Variants in GDF1 observed in about 807,000 individuals in gnomAD.
GDF1 encodes the protein embryonic growth/differentiation factor 1.
GDF1 carries 8 observed loss-of-function variants against 7.4 expected under a neutral mutation model. The ratio of observed to expected loss-of-function variants is 1.09; its 90% CI spans 0.64 to 1.96. The LOEUF (loss-of-function observed/expected upper bound fraction) is 1.96. GDF1 is among the 30% of genes most tolerant of loss of function. The probability of loss-of-function intolerance (pLI) is 0.00; values close to 1 mark genes in which losing one functional copy is unlikely to be tolerated. For missense variants in GDF1, 574 were observed against 551.5 expected, an observed-to-expected ratio of 1.04 and a Z score of -0.41; for synonymous variants, 311 against 276.7, an observed-to-expected ratio of 1.12 and a Z score of -1.23.
At position 18,879,050 on chromosome 19, in the gene GDF1, G is replaced by A. The variant is rs2075762; in HGVS notation, c.-422-11C>T. On this transcript the variant is annotated splice_polypyrimidine_tract_variant and intron_variant, in intron 5 of 7. Coordinates refer to ENST00000247005, the MANE Select transcript of GDF1 (RefSeq NM_001492.6). The stretch of plus-strand genomic sequence containing the variant: ...AAACGCCACGATGTACTGCGAGAGG[G>A]GAGGGGAGGTGCCAGTGAGAAGAAA... 0.13 allele frequency: 213,460 copies of A among 1,612,294 alleles called. 16,649 individuals carry two copies. Among genetic ancestry groups the A allele is most frequent in the East Asian group, 0.35 (15,632 of 44,832 alleles).
At chr19:18,885,986 C>A (rs1352365561) in intron 2 of GDF1, among the ~76,000 whole-genome samples, 1 of 152,206 alleles carries the variant, frequency 6.6e-6, no homozygotes, top group Non-Finnish European at 1.5e-5. Context: ...ACCTTCCCCT[C>A]CTCCTGCCTC....
In GDF1 at chr19:18,884,709, C is replaced by CTTTTTT. The variant is rs36074874; in HGVS notation, c.-913-448_-913-443dup. 3.2e-3 allele frequency among the ~76,000 whole-genome samples: 220 copies of CTTTTTT among 69,126 alleles called. 25 individuals carry two copies. The highest frequency in any genetic ancestry group is 0.011 in the African/African-American group (177 of 16,342). 45.3% of individuals were successfully genotyped at this position (69,126 alleles called of 152,430 possible). A position where few individuals can be genotyped will look rare whatever the true frequency, so the allele number is the denominator to read the frequency against. On this transcript the variant is annotated intron_variant, in intron 2 of 7. Coordinates refer to ENST00000247005, the MANE Select transcript of GDF1 (RefSeq NM_001492.6). ...GGCGTGAGCCACCCCGCCCAGCCGT[C>CTTTTTT]TTTTTTTTTTTTTTTTTTTTTTTGA...
Position 18,869,069 on chromosome 19 carries a change from GC to G in GDF1, c.646del (p.Ala216ArgfsTer23). Reference protein sequence around the residue: ...NASWPRSLRLALALRPRAPAA... With the variant: ...NASWPRSLRLXLALRPRAPAA... ...AGGGGCCCGGGGGCGTAGCGCCAGC[GC>G]CAGGCGGAGGCTGCGCGGCCATGAG... On this transcript the variant is annotated frameshift_variant, in exon 8 of 8. Coordinates refer to ENST00000247005, the MANE Select transcript of GDF1 (RefSeq NM_001492.6). LOFTEE classifies it low-confidence loss of function (END_TRUNC). The G allele has an allele frequency of 9.4e-7, 1 of 1,059,094 alleles. No individual in the cohort carries two copies. The highest frequency in any genetic ancestry group is 1.1e-6 in the Non-Finnish European group (1 of 878,306). 65.6% of individuals were successfully genotyped at this position (1,059,094 alleles called of 1,614,324 possible).
intron 2 of GDF1, 36 bp from the exon 3 acceptor site, chr19:18,884,303 G>T: frequency 6.4e-7 from 1 of 1,572,882 alleles, no homozygotes. Flanking sequence ...AGGGCCCTGC[G>T]AAGCCTCTAG....
At chr19:18,893,220 T>C (rs1215592284) in intron 2 of GDF1, among the ~76,000 whole-genome samples, 196 bp downstream of exon 2, 1 of 151,396 alleles carries the variant, frequency 6.6e-6, no homozygotes, top group African/African-American at 2.4e-5. Flanking sequence ...GCCCTCTTTT[T>C]CTTTTTTGAT....
intron 6 of GDF1, among the ~76,000 whole-genome samples, chr19:18,876,536 T>TGTGTGTGTGTGTGTGTGTG (rs1555703706): frequency 2.8e-5 from 4 of 143,184 alleles, no homozygotes; most frequent in African/African-American, 1.0e-4. Context: ...TTTGATTGGG[T>TGTGTGTGTGTGTGTGTGTG]TGTGTGTGTG....
intron 3 of GDF1, chr19:18,883,310 T>C (rs1033680152): frequency 6.6e-6 from 1 of 152,200 alleles, no homozygotes; most frequent in Admixed American, 6.5e-5. Context: ...ACAGGTAATA[T>C]TAATTTTAAT....
In GDF1 at chr19:18,875,064, G is replaced by A. The variant is rs76969770; in HGVS notation, c.-313+3866C>T. The stretch of plus-strand genomic sequence containing the variant: ...AAACTGGGTAATATAGTGAGATCTC[G>A]TCTCTACAAAAACACTTTAAAATTA... On this transcript the variant is annotated intron_variant, in intron 6 of 7. Transcript: ENST00000247005. Among the ~76,000 whole-genome samples the A allele has an allele frequency of 5.0e-3, 756 of 151,754 alleles. 35 individuals are homozygous for A. In the East Asian group the frequency reaches 0.13, roughly 26 times the overall value.
intron 6 of GDF1, among the ~76,000 whole-genome samples, chr19:18,872,595 A>G (rs1035567033): frequency 3.3e-5 from 5 of 150,320 alleles, no homozygotes; most frequent in Admixed American, 1.3e-4. Context: ...GGCTCACTGC[A>G]ACCTCTGCAT....
At position 18,878,409 on chromosome 19, in the gene GDF1, C is replaced by G; in HGVS notation, c.-313+521G>C. ...GACTCCCACCTGGGCTGGACTGAGT[C>G]TGAGCTCCCAGCCCCAGCTCCTGTT... On this transcript the variant is annotated intron_variant, in intron 6 of 7. Transcript: ENST00000247005. The surrounding 1 kb of genome is among the most constrained non-coding windows in gnomAD (Gnocchi z 4.6). 1.0e-6 allele frequency: 1 copy of G among 990,610 alleles called. No individual in the cohort carries two copies. The highest frequency in any genetic ancestry group is 1.2e-6 in the Non-Finnish European group (1 of 833,096). 61.4% of individuals were successfully genotyped at this position (990,610 alleles called of 1,614,324 possible).
At chr19:18,894,931 C>G (rs1214534760) in intron 1 of GDF1, among the ~76,000 whole-genome samples, 2 of 152,224 alleles carry the variant, frequency 1.3e-5, no homozygotes, top group Non-Finnish European at 2.9e-5. Context: ...GTGTCCAGGC[C>G]AAGCTAAAGG....
chr19:18,883,989 A>G, intron 3 of GDF1, 98 bp downstream of exon 3: 1 of 1,315,902 alleles, frequency 7.6e-7, no homozygotes, highest in South Asian at 1.4e-5. Flanking sequence ...ACCTGATGTG[A>G]TCCCCTCCAC....
chr19:18,894,558 A>G (rs946747311), intron 1 of GDF1, among the ~76,000 whole-genome samples: 3 of 152,038 alleles, frequency 2.0e-5, no homozygotes, highest in East Asian at 3.9e-4. Context: ...ACCAGCCGCC[A>G]CATCCTCCTG....
At chr19:18,888,532 A>C (rs1332895688) in intron 2 of GDF1, among the ~76,000 whole-genome samples, 5 of 148,518 alleles carry the variant, frequency 3.4e-5, no homozygotes, top group Non-Finnish European at 6.0e-5. Flanking sequence ...AAAAAAAAAA[A>C]AAAAAAAAAA....
At chr19:18,894,774 G>C (rs540077992) in intron 1 of GDF1, among the ~76,000 whole-genome samples, 1 of 152,262 alleles carries the variant, frequency 6.6e-6, no homozygotes, top group Admixed American at 6.5e-5. Flanking sequence ...AGTGGGGAGA[G>C]TGGCAGTCAG....
In GDF1 at chr19:18,895,792, G is replaced by A. The variant is rs1173562080; in HGVS notation, c.-1074+32C>T. The A allele has an allele frequency of 4.6e-5, 54 of 1,167,756 alleles. No homozygotes were observed. Among genetic ancestry groups the A allele is most frequent in the Non-Finnish European group, 5.4e-5 (50 of 930,508 alleles). The allele number at this position is 1,167,756 out of a possible 1,614,324, so 72.3% of individuals were successfully genotyped here. A position where few individuals can be genotyped will look rare whatever the true frequency, so the allele number is the denominator to read the frequency against. Reference sequence around the variant, plus strand: ...CGGTCCCGGCTTCCCCCAGTCCGGGGTCCCCTCGTCCCGGCCCCCGGCCAC... The same window carrying A: ...CGGTCCCGGCTTCCCCCAGTCCGGGATCCCCTCGTCCCGGCCCCCGGCCAC... On this transcript the variant is annotated intron_variant, in intron 1 of 7. Transcript: ENST00000247005. This position sits in a 1 kb window ranked among gnomAD's most constrained non-coding sequence, Gnocchi z 6.4.
chr19:18,880,936 C>T (rs1000168129), intron 3 of GDF1, among the ~76,000 whole-genome samples: 1 of 152,128 alleles, frequency 6.6e-6, no homozygotes, highest in African/African-American at 2.4e-5. Context: ...TGGGCTCAAG[C>T]GATCTTCTCA....
intron 2 of GDF1, 115 bp from the exon 3 acceptor site, chr19:18,884,382 G>A: frequency 2.1e-6 from 2 of 937,980 alleles, no homozygotes; most frequent in Non-Finnish European, 3.1e-6. Flanking sequence ...AGGTAACCAT[G>A]CGTGTCTGAC....
At position 18,878,418 on chromosome 19, in the gene GDF1, C is replaced by T. The variant is rs2146008210; in HGVS notation, c.-313+512G>A. ...CTGGGCTGGACTGAGTCTGAGCTCC[C>T]AGCCCCAGCTCCTGTTTGGCCGGGC... is the stretch of plus-strand genomic sequence containing the variant. On this transcript the variant is annotated intron_variant, in intron 6 of 7. Coordinates refer to ENST00000247005, the MANE Select transcript of GDF1 (RefSeq NM_001492.6). The surrounding 1 kb of genome is among the most constrained non-coding windows in gnomAD (Gnocchi z 4.6). 1 of 990,830 alleles carries T rather than the reference C, an allele frequency of 1.0e-6. No individual in the cohort carries two copies. The highest frequency in any genetic ancestry group is 1.2e-6 in the Non-Finnish European group (1 of 833,172). 61.4% of individuals were successfully genotyped at this position (990,830 alleles called of 1,614,324 possible).
Sources: gnomAD v4.1 joint callset for allele counts (sites outside exome capture counted in the v4.1 genomes callset) on GRCh38, gnomAD v4.1.1 for gene constraint, Gnocchi (gnomAD v3.1) non-coding constraint, MANE v1.5 for transcripts, NCBI Gene and HGNC (gene_info 2026-07-23, HGNC 2026-07-21) for gene names.